FRMD4A: variants seen among roughly 807,000 people sequenced by gnomAD.
FRMD4A encodes FERM domain-containing protein 4A.
Under a neutral mutation model 129.1 loss-of-function variants are expected in FRMD4A, and 29 were observed. That is an observed-to-expected ratio of 0.22 (90% confidence interval 0.17 to 0.31). FRMD4A has a LOEUF of 0.31. Among genes scored for constraint, FRMD4A ranks in the 10% least tolerant of loss-of-function variants. FRMD4A has a pLI of 1.00. For missense variants in FRMD4A, 1,272 were observed against 1,375.8 expected, an observed-to-expected ratio of 0.92 and a Z score of 1.19; for synonymous variants, 634 against 571.6, an observed-to-expected ratio of 1.11 and a Z score of -1.56.
chr10:13,660,770 G>A (rs1564543342), intron 19 of FRMD4A, among the ~76,000 whole-genome samples: 1 of 152,196 alleles, frequency 6.6e-6, no homozygotes, highest in Non-Finnish European at 1.5e-5. Context: ...ACTGCAGGCG[G>A]GATTGCATGG....
chr10:13,707,351 C>A, intron 12 of FRMD4A: 2 of 1,232,686 alleles, frequency 1.6e-6, no homozygotes, highest in Non-Finnish European at 2.0e-6. Context: ...TTAACTGGAA[C>A]AAAACAAGTT....
intron 2 of FRMD4A, among the ~76,000 whole-genome samples, chr10:14,135,946 A>G (rs977441192): frequency 6.6e-6 from 1 of 152,242 alleles, no homozygotes; most frequent in East Asian, 1.9e-4. Context: ...ATGCATGTTC[A>G]ACTTATTCTA....
intron 2 of FRMD4A, among the ~76,000 whole-genome samples, chr10:14,154,604 A>C (rs1180658555): frequency 6.6e-6 from 1 of 152,244 alleles, no homozygotes; most frequent in African/African-American, 2.4e-5. Flanking sequence ...AAATCCAAAA[A>C]TACATAAAAT....
intron 2 of FRMD4A, among the ~76,000 whole-genome samples, chr10:13,948,118 G>A (rs1297366869): frequency 6.6e-6 from 1 of 151,324 alleles, no homozygotes; most frequent in Non-Finnish European, 1.5e-5. Context: ...AAGCAAATAT[G>A]GTTCTCATTA....
At chr10:13,677,293 A>G (rs2084092072) in intron 15 of FRMD4A, among the ~76,000 whole-genome samples, 1 of 152,258 alleles carries the variant, frequency 6.6e-6, no homozygotes. Flanking sequence ...TACTATCATT[A>G]TGCCTCCAAA....
chr10:13,865,483 C>G (rs539806556), intron 2 of FRMD4A, among the ~76,000 whole-genome samples: 63 of 113,080 alleles, frequency 5.6e-4, no homozygotes, highest in African/African-American at 1.8e-3. Context: ...CAGGGTTTTG[C>G]TCTGTCTCCT....
rs999032348 is a variant in FRMD4A at position 14,174,798 on chromosome 10, T to C, written c.45+155260A>G. Among the ~76,000 whole-genome samples the C allele has an allele frequency of 2.0e-5, 3 of 152,120 alleles. No homozygotes were observed. The South Asian group carries it at 6.2e-4, about 32-fold the overall frequency. On this transcript the variant is annotated intron_variant, in intron 2 of 24. Transcript: ENST00000357447. ...TTTAGAGGCACATAACTGTAGCCTC[T>C]TTTTAGAGAAAGTTTCAAAAACAGA...
At chr10:14,113,507 T>A (rs534638117) in intron 2 of FRMD4A, among the ~76,000 whole-genome samples, 2 of 152,336 alleles carry the variant, frequency 1.3e-5, no homozygotes, top group South Asian at 4.1e-4. Context: ...GTATGTGTTA[T>A]TGATAAGGCT....
chr10:14,084,502 G>A (rs1463284546), intron 2 of FRMD4A, among the ~76,000 whole-genome samples: 3 of 152,148 alleles, frequency 2.0e-5, no homozygotes, highest in African/African-American at 7.2e-5. Context: ...AATTTTCTAT[G>A]TTATGTGATG....
chr10:14,262,440 T>G (rs1844838405), intron 2 of FRMD4A, among the ~76,000 whole-genome samples: 1 of 152,210 alleles, frequency 6.6e-6, no homozygotes, highest in Admixed American at 6.5e-5. Context: ...GAAATATTAG[T>G]AATGATATTC....
intron 3 of FRMD4A, among the ~76,000 whole-genome samples, chr10:13,824,179 TAAA>T (rs1185808762): frequency 4.6e-5 from 7 of 151,758 alleles, no homozygotes; most frequent in African/African-American, 7.3e-5. Flanking sequence ...CAAAAATACT[TAAA>T]AACAAAAAAA....
chr10:13,891,597 C>T, intron 2 of FRMD4A: 1 of 985,306 alleles, frequency 1.0e-6, no homozygotes, highest in Non-Finnish European at 1.2e-6. Flanking sequence ...TCCCTGCCAC[C>T]GCGACCGGGA....
At chr10:13,780,471 G>C (rs1344317050) in intron 6 of FRMD4A, among the ~76,000 whole-genome samples, 1 of 152,198 alleles carries the variant, frequency 6.6e-6, no homozygotes, top group East Asian at 1.9e-4. Flanking sequence ...CAAGCTTATG[G>C]AGCAATTGGA....
chr10:14,236,998 A>C, intron 2 of FRMD4A, among the ~76,000 whole-genome samples: 1 of 95,096 alleles, frequency 1.1e-5, no homozygotes, highest in Non-Finnish European at 2.3e-5. Context: ...AGGTCAGCAA[A>C]AAAAAAAAAA....
chr10:13,906,903 A>G (rs940569276), intron 2 of FRMD4A, among the ~76,000 whole-genome samples: 3 of 152,194 alleles, frequency 2.0e-5, no homozygotes, highest in African/African-American at 4.8e-5. Flanking sequence ...TTGCCTTCCC[A>G]TGGGAATGCC....
chr10:14,182,217 C>T (rs988005821), intron 2 of FRMD4A, among the ~76,000 whole-genome samples: 5 of 152,140 alleles, frequency 3.3e-5, no homozygotes, highest in Non-Finnish European at 1.5e-5. Flanking sequence ...GCTTCTAAGA[C>T]TTCTTTGAAC....
At chr10:14,297,758 G>A (rs1275062862) in intron 2 of FRMD4A, among the ~76,000 whole-genome samples, 1 of 152,160 alleles carries the variant, frequency 6.6e-6, no homozygotes, top group Admixed American at 6.5e-5. Context: ...GACAGTTGAT[G>A]ATTGAGGGCC....
intron 15 of FRMD4A, among the ~76,000 whole-genome samples, chr10:13,687,368 T>G (rs1443538625): frequency 6.6e-6 from 1 of 152,204 alleles, no homozygotes; most frequent in Non-Finnish European, 1.5e-5. Context: ...AGAACAAATC[T>G]CAGGCTCTGT....
intron 12 of FRMD4A, among the ~76,000 whole-genome samples, chr10:13,737,260 T>C (rs2090686491): frequency 6.6e-6 from 1 of 152,168 alleles, no homozygotes; most frequent in South Asian, 2.1e-4. Context: ...CAGCTAATTT[T>C]TGTATTTTTA....
Sources: allele counts gnomAD v4.1 joint callset (sites outside exome capture counted in the v4.1 genomes callset), GRCh38; gene constraint gnomAD v4.1.1; transcripts MANE v1.5; gene names NCBI Gene and HGNC (gene_info 2026-07-23, HGNC 2026-07-21).